The following NEU2 variants were observed in gnomAD, a reference collection of about 807,000 sequenced individuals.
The protein encoded by NEU2 is neuraminidase 2.
Under a neutral mutation model 6.3 loss-of-function variants are expected in NEU2, and 7 were observed. The ratio of observed to expected loss-of-function variants is 1.12; its 90% confidence interval spans 0.63 to 2.10. The LOEUF (loss-of-function observed/expected upper bound fraction) is 2.10, where lower values mean the gene tolerates loss of function less well. NEU2 is among the 30% of genes most tolerant of loss of function. The probability of loss-of-function intolerance (pLI) is 0.00; values close to 1 mark genes in which losing one functional copy is unlikely to be tolerated. For synonymous variants in NEU2, 208 were observed against 223.3 expected (o/e 0.93, Z 0.61); for missense variants, 509 against 504.0 (o/e 1.01, Z -0.09).
At position 233,034,427 on chromosome 2, in the gene NEU2, C is replaced by T. The variant is rs140566298; in HGVS notation, c.513C>T (p.Ala171=). The T allele has an allele frequency of 2.5e-5, 41 of 1,613,996 alleles. No individual in the cohort carries two copies. In the African/African-American group the frequency reaches 5.3e-4, roughly 21 times the overall value. Residue 171 remains alanine, a synonymous_variant, in exon 2 of 2, where the codon GCC becomes GCT. Transcript: ENST00000233840. The surrounding 1 kb of genome is among the most constrained non-coding windows in gnomAD (Gnocchi z 4.8). ...PGHCLQLHDR[A]RSLVVPAYAY... is the part of the protein sequence containing the mutation. Reference sequence around the variant, plus strand: ...ATTGTTTGCAGCTTCACGACAGGGCCCGGAGCCTGGTGGTGCCCGCCTACG... The same window carrying T: ...ATTGTTTGCAGCTTCACGACAGGGCTCGGAGCCTGGTGGTGCCCGCCTACG...
At position 233,034,329 on chromosome 2, in the gene NEU2, C is replaced by A. The variant is rs1427409056; in HGVS notation, c.415C>A (p.Pro139Thr). 3 of 1,614,088 alleles carry A rather than the reference C, an allele frequency of 1.9e-6. No homozygotes were observed. Among genetic ancestry groups the A allele is most frequent in the Non-Finnish European group, 2.5e-6 (3 of 1,179,990 alleles). ...TGACCACGGGAGGACCTGGAGCTCC[C>A]CCAGAGACCTCACTGATGCGGCCAT... The part of the protein sequence containing the change: ...STDHGRTWSS[P>T]RDLTDAAIGP... Residue 139 changes from proline to threonine, a missense_variant, in exon 2 of 2, where the codon CCC becomes ACC. Physicochemically the swap from Pro to Thr is conservative, Grantham distance 38. Transcript: ENST00000233840. This position sits in a 1 kb window ranked among gnomAD's most constrained non-coding sequence, Gnocchi z 4.8.
In NEU2 at chr2:233,034,407, T is replaced by C. The variant is rs1343637221; in HGVS notation, c.493T>C (p.Leu165=). Residue 165 remains leucine (L), a synonymous_variant, in exon 2 of 2, where the codon TTG becomes CTG. Coordinates refer to ENST00000233840, the MANE Select transcript of NEU2 (RefSeq NM_005383.2). This position sits in a 1 kb window ranked among gnomAD's most constrained non-coding sequence, Gnocchi z 4.8. ...STFAVGPGHC[L]QLHDRARSLV... is the part of the protein sequence containing the mutation. The stretch of plus-strand genomic sequence containing the variant: ...CTTTGCAGTGGGCCCGGGGCATTGT[T>C]TGCAGCTTCACGACAGGGCCCGGAG... 2 of 1,613,972 alleles carry C rather than the reference T, an allele frequency of 1.2e-6. No homozygotes were observed. Among genetic ancestry groups the C allele is most frequent in the East Asian group, 2.2e-5 (1 of 44,870 alleles).
Position 233,034,380 on chromosome 2 carries a change from A to G in NEU2, c.466A>G (p.Thr156Ala), listed in dbSNP as rs764112832. The G allele has an allele frequency of 1.2e-6, 2 of 1,613,796 alleles. No homozygotes were observed. The highest frequency in any genetic ancestry group is 1.7e-6 in the Non-Finnish European group (2 of 1,179,834). The change falls in exon 2 of 2, where the codon ACC becomes GCC. Residue 156 changes from threonine (T) to alanine (A), a missense_variant. Physicochemically the swap from Thr to Ala is moderately conservative, Grantham distance 58 (BLOSUM62 0). Coordinates refer to ENST00000233840, the MANE Select transcript of NEU2 (RefSeq NM_005383.2). This position sits in a 1 kb window ranked among gnomAD's most constrained non-coding sequence, Gnocchi z 4.8. Reference protein sequence around the residue: ...AIGPAYREWSTFAVGPGHCLQ... With the variant: ...AIGPAYREWSAFAVGPGHCLQ... ...CGGCCCAGCCTACCGGGAGTGGTCC[A>G]CCTTTGCAGTGGGCCCGGGGCATTG... is the stretch of plus-strand genomic sequence containing the variant.
At position 233,034,232 on chromosome 2, in the gene NEU2, T is replaced by C; in HGVS notation, c.318T>C (p.Pro106=). Residue 106 remains proline (P), a synonymous_variant, in exon 2 of 2, where the codon CCT becomes CCC. Transcript: ENST00000233840. The surrounding 1 kb of genome is among the most constrained non-coding windows in gnomAD (Gnocchi z 4.8). ...GTLFLFFIAI[P]GQVTEQQQLQ... ...TCTTCCTCTTCTTCATTGCCATCCCTGGGCAAGTCACGGAGCAACAGCAGC... is the reference window on the plus strand; with the variant it reads ...TCTTCCTCTTCTTCATTGCCATCCCCGGGCAAGTCACGGAGCAACAGCAGC... The C allele has an allele frequency of 6.2e-7, 1 of 1,614,154 alleles. No individual in the cohort carries two copies. Among genetic ancestry groups the C allele is most frequent in the Non-Finnish European group, 8.5e-7 (1 of 1,180,030 alleles).
intron 1 of NEU2, among the ~76,000 whole-genome samples, chr2:233,033,437 C>T (rs571900520): frequency 4.6e-5 from 7 of 152,186 alleles, no homozygotes; most frequent in Non-Finnish European, 1.0e-4. Flanking sequence ...CTCCCTGTCG[C>T]GGTCTCTTGC....
Position 233,034,419 on chromosome 2 carries a change from G to A in NEU2, c.505G>A (p.Asp169Asn), listed in dbSNP as rs754590550. Residue 169 changes from aspartate to asparagine, a missense_variant, in exon 2 of 2, where the codon GAC (aspartate) becomes AAC (asparagine). Transcript: ENST00000233840. The surrounding 1 kb of genome is among the most constrained non-coding windows in gnomAD (Gnocchi z 4.8). The stretch of plus-strand genomic sequence containing the variant: ...CCCGGGGCATTGTTTGCAGCTTCAC[G>A]ACAGGGCCCGGAGCCTGGTGGTGCC... Reference protein sequence around the residue: ...VGPGHCLQLHDRARSLVVPAY... With the variant: ...VGPGHCLQLHNRARSLVVPAY... 1.5e-5 allele frequency: 25 copies of A among 1,613,816 alleles called. No homozygotes were observed. Among genetic ancestry groups the A allele is most frequent in the Admixed American group, 1.3e-4 (8 of 59,996 alleles).
Position 233,032,985 on chromosome 2 carries a change from A to G in NEU2, c.201+113A>G. ...AATACAGGGACAACTTTATCCCTCA[A>G]TGGCTGTACTCCGGAGGAGAGATAG... is the stretch of plus-strand genomic sequence containing the variant. On this transcript the variant is annotated intron_variant, in intron 1 of 1. Coordinates refer to ENST00000233840, the MANE Select transcript of NEU2 (RefSeq NM_005383.2). 3.6e-6 allele frequency: 4 copies of G among 1,118,402 alleles called. No homozygotes were observed. In the South Asian group the frequency reaches 4.5e-5, roughly 13 times the overall value. The allele number at this position is 1,118,402 out of a possible 1,614,324, so 69.3% of individuals were successfully genotyped here. A position where few individuals can be genotyped will look rare whatever the true frequency, so the allele number is the denominator to read the frequency against.
At position 233,032,688 on chromosome 2, in the gene NEU2, T is replaced by C. The variant is rs370727969; in HGVS notation, c.17T>C (p.Val6Ala). Residue 6 changes from valine to alanine, a missense_variant, in exon 1 of 2, where the codon GTC (valine) becomes GCC (alanine). Physicochemically the swap from Val to Ala is moderately conservative, Grantham distance 64. Coordinates refer to ENST00000233840, the MANE Select transcript of NEU2 (RefSeq NM_005383.2). ...CCCAGCCCCATGGCGTCCCTTCCTG[T>C]CCTGCAGAAGGAGAGCGTGTTCCAG... MASLP[V>A]LQKESVFQSG... 8 of 1,614,216 alleles carry C rather than the reference T, an allele frequency of 5.0e-6. No individual in the cohort carries two copies.
chr2:233,033,997 G>A (rs550452231), intron 1 of NEU2, 119 bp from the exon 2 acceptor site: 107 of 867,664 alleles, frequency 1.2e-4, no homozygotes, highest in Non-Finnish European at 1.8e-4. Context: ...AGTTCTTCTC[G>A]ATGACTTTTG....
In NEU2 at chr2:233,032,693, C is replaced by T; in HGVS notation, c.22C>T (p.Gln8Ter). 3.7e-6 allele frequency: 6 copies of T among 1,614,232 alleles called. No homozygotes were observed. Among genetic ancestry groups the T allele is most frequent in the Non-Finnish European group, 5.1e-6 (6 of 1,180,042 alleles). Residue 8 changes from glutamine to a stop codon, truncating the protein, a stop_gained, in exon 1 of 2, where the codon CAG becomes TAG. Coordinates refer to ENST00000233840, the MANE Select transcript of NEU2 (RefSeq NM_005383.2). LOFTEE classifies it high-confidence loss of function. MASLPVL[Q>*]KESVFQSGAH... ...CCCCATGGCGTCCCTTCCTGTCCTG[C>T]AGAAGGAGAGCGTGTTCCAGTCGGG...
In NEU2 at chr2:233,032,807, G is replaced by A; in HGVS notation, c.136G>A (p.Asp46Asn). The A allele has an allele frequency of 6.2e-7, 1 of 1,614,208 alleles. No individual in the cohort carries two copies. Among genetic ancestry groups the A allele is most frequent in the Non-Finnish European group, 8.5e-7 (1 of 1,180,036 alleles). ...AFAEQRASKK[D>N]EHAELIVLRR... Reference sequence around the variant, plus strand: ...CGCGGAACAGCGGGCAAGCAAGAAGGATGAGCACGCAGAGCTGATTGTCCT... The same window carrying A: ...CGCGGAACAGCGGGCAAGCAAGAAGAATGAGCACGCAGAGCTGATTGTCCT... Residue 46 changes from aspartate to asparagine, a missense_variant, in exon 1 of 2, where the codon GAT becomes AAT. Coordinates refer to ENST00000233840, the MANE Select transcript of NEU2 (RefSeq NM_005383.2).
Position 233,032,998 on chromosome 2 carries a change from G to A in NEU2, c.201+126G>A, listed in dbSNP as rs924666986. 2.0e-5 allele frequency: 21 copies of A among 1,034,228 alleles called. 1 individual carries two copies. The highest frequency in any genetic ancestry group is 1.4e-4 in the African/African-American group (9 of 63,042). The allele number at this position is 1,034,228 out of a possible 1,614,324, so 64.1% of individuals were successfully genotyped here. A position where few individuals can be genotyped will look rare whatever the true frequency, so the allele number is the denominator to read the frequency against. ...CTTTATCCCTCAATGGCTGTACTCC[G>A]GAGGAGAGATAGAGCAGAGAAAGTG... On this transcript the variant is annotated intron_variant, in intron 1 of 1. Coordinates refer to ENST00000233840, the MANE Select transcript of NEU2 (RefSeq NM_005383.2).
intron 1 of NEU2, 84 bp downstream of exon 1, chr2:233,032,956 A>C: frequency 3.3e-4 from 464 of 1,387,206 alleles, no homozygotes; most frequent in Non-Finnish European, 4.1e-4. Flanking sequence ...CCTGGATCTC[A>C]AGAAATACAG....
At chr2:233,032,938 G>A (rs565639238) in intron 1 of NEU2, 66 bp downstream of exon 1, 52 of 1,489,974 alleles carry the variant, frequency 3.5e-5, no homozygotes, top group Non-Finnish European at 4.6e-5. Flanking sequence ...CTGTGATCAG[G>A]GGCCAGTCCT....
chr2:233,033,163 G>A (rs181058386), intron 1 of NEU2, among the ~76,000 whole-genome samples: 1 of 152,288 alleles, frequency 6.6e-6, no homozygotes, highest in East Asian at 1.9e-4. Flanking sequence ...CATAATGGAG[G>A]GTTGTGTCCT....
In NEU2 at chr2:233,034,925, C is replaced by T; in HGVS notation, c.1011C>T (p.Leu337=). Residue 337 remains leucine, a synonymous_variant, in exon 2 of 2, where the codon CTC becomes CTT. Transcript: ENST00000233840. The surrounding 1 kb of genome is among the most constrained non-coding windows in gnomAD (Gnocchi z 4.8). ...AGGGCAGCTGTGCCTACTCAGACCT[C>T]CAGAGCATGGGCACCGGCCCTGATG... The part of the protein sequence containing the change: ...LAKGSCAYSD[L]QSMGTGPDGS... The T allele has an allele frequency of 6.2e-7, 1 of 1,614,152 alleles. No homozygotes were observed. The highest frequency in any genetic ancestry group is 8.5e-7 in the Non-Finnish European group (1 of 1,180,020).
chr2:233,033,970 A>G (rs1372727524), intron 1 of NEU2, 146 bp from the exon 2 acceptor site: 8 of 740,282 alleles, frequency 1.1e-5, no homozygotes, highest in Non-Finnish European at 1.6e-5. Flanking sequence ...CAAGGAGGAT[A>G]TGAGTGTTGG....
In NEU2 at chr2:233,034,891, T is replaced by G; in HGVS notation, c.977T>G (p.Leu326Arg). The G allele has an allele frequency of 6.2e-7, 1 of 1,614,102 alleles. No individual in the cohort carries two copies. Among genetic ancestry groups the G allele is most frequent in the Non-Finnish European group, 8.5e-7 (1 of 1,179,998 alleles). The change falls in exon 2 of 2, where the codon CTG (leucine) becomes CGG (arginine). Residue 326 changes from leucine (L) to arginine (R), a missense_variant. By Grantham distance (102) the Leu-to-Arg change is moderately radical. Transcript: ENST00000233840. This position sits in a 1 kb window ranked among gnomAD's most constrained non-coding sequence, Gnocchi z 4.8. ...CCTGAGGCCTGGTCAGAGCCGGTAC[T>G]GCTGGCCAAGGGCAGCTGTGCCTAC... ...PAPEAWSEPV[L>R]LAKGSCAYSD...
chr2:233,034,398 G>C lies in NEU2; in HGVS notation c.484G>C (p.Gly162Arg), dbSNP rs1559255997. ...GTGGTCCACCTTTGCAGTGGGCCCG[G>C]GGCATTGTTTGCAGCTTCACGACAG... Reference protein sequence around the residue: ...REWSTFAVGPGHCLQLHDRAR... With the variant: ...REWSTFAVGPRHCLQLHDRAR... The change falls in exon 2 of 2, where the codon GGG becomes CGG. Residue 162 changes from glycine (G) to arginine (R), a missense_variant. Gly to Arg is a moderately radical substitution (Grantham distance 125). Transcript: ENST00000233840. This position sits in a 1 kb window ranked among gnomAD's most constrained non-coding sequence, Gnocchi z 4.8. 1 of 1,613,968 alleles carries C rather than the reference G, an allele frequency of 6.2e-7. No individual in the cohort carries two copies. Among genetic ancestry groups the C allele is most frequent in the South Asian group, 1.1e-5 (1 of 91,076 alleles).
Sources: allele counts gnomAD v4.1 joint callset (sites outside exome capture counted in the v4.1 genomes callset), GRCh38; gene constraint gnomAD v4.1.1; non-coding constraint Gnocchi (gnomAD v3.1); transcripts MANE v1.5; gene names NCBI Gene and HGNC (gene_info 2026-07-23, HGNC 2026-07-21).